Variants in PIK3R3 observed in about 807,000 individuals in gnomAD.
The protein encoded by PIK3R3 is phosphatidylinositol 3-kinase regulatory subunit gamma.
PIK3R3 carries 64 observed loss-of-function variants against 62.9 expected under a neutral mutation model. The observed-to-expected ratio is 1.02, with a 90% CI of 0.83 to 1.25. The LOEUF (loss-of-function observed/expected upper bound fraction) is 1.25. Ranked by LOEUF, PIK3R3 falls within the 50% of genes most tolerant of loss-of-function variation. The probability of loss-of-function intolerance (pLI) is 0.00; values close to 1 mark genes in which losing one functional copy is unlikely to be tolerated. For missense variants in PIK3R3, 614 were observed against 561.6 expected (o/e 1.09, Z -0.94); for synonymous variants, 165 against 189.0 (o/e 0.87, Z 1.04).
At chr1:46,071,847 C>A (rs910485947) in intron 3 of PIK3R3, among the ~76,000 whole-genome samples, 1 of 150,958 alleles carries the variant, frequency 6.6e-6, no homozygotes, top group Non-Finnish European at 1.5e-5. Context: ...AATACAAACT[C>A]CCAAGTTTTG....
intron 5 of PIK3R3, among the ~76,000 whole-genome samples, chr1:46,062,576 A>AAAAAAAC (rs1553146558): frequency 6.6e-5 from 10 of 151,086 alleles, no homozygotes; most frequent in Non-Finnish European, 1.0e-4. Context: ...CTTTGTCTCA[A>AAAAAAAC]AAAAACAAAA....
intron 1 of PIK3R3, among the ~76,000 whole-genome samples, chr1:46,114,540 C>A (rs1048903593): frequency 6.6e-6 from 1 of 152,138 alleles, no homozygotes; most frequent in African/African-American, 2.4e-5. Flanking sequence ...AATATAACTT[C>A]TTGGAACCAA....
At chr1:46,091,483 TAC>T (rs111759714) in intron 1 of PIK3R3, among the ~76,000 whole-genome samples, 4 of 149,600 alleles carry the variant, frequency 2.7e-5, no homozygotes, top group African/African-American at 4.9e-5. Context: ...CACACACACA[TAC>T]ACACACACAC....
chr1:46,148,743 G>GGAGAGAGA, the PIK3R3 span, among the ~76,000 whole-genome samples: 14 of 143,364 alleles, frequency 9.8e-5, no homozygotes, highest in South Asian at 2.3e-4. Flanking sequence ...CCAAGATTTT[G>GGAGAGAGA]GAGAGAGAGA....
intron 3 of PIK3R3, among the ~76,000 whole-genome samples, chr1:46,071,730 T>TATATATATATATATAGAGAGAGAGAG (rs1163343399): frequency 1.7e-5 from 1 of 59,046 alleles, no homozygotes; most frequent in African/African-American, 7.9e-5. Context: ...TATATATATA[T>TATATATATATATATAGAGAGAGAGAG]AGAGAGAGAG....
chr1:46,133,213 G>GA (rs953323880), upstream of PIK3R3, among the ~76,000 whole-genome samples: 3 of 151,908 alleles, frequency 2.0e-5, no homozygotes, highest in East Asian at 5.8e-4. Flanking sequence ...AAAAGAGGAG[G>GA]AAAAAAAAGA....
At chr1:46,103,446 T>G (rs1475814968) in intron 1 of PIK3R3, among the ~76,000 whole-genome samples, 1 of 151,878 alleles carries the variant, frequency 6.6e-6, no homozygotes, top group East Asian at 2.0e-4. Flanking sequence ...GGCAGGTGCC[T>G]GTAATCCCAG....
chr1:46,165,972 AC>A, the PIK3R3 span, among the ~76,000 whole-genome samples: 14 of 148,672 alleles, frequency 9.4e-5, no homozygotes, highest in South Asian at 2.1e-4. Flanking sequence ...ACGGGGTTTC[AC>A]CTGTGTTAGC....
chr1:46,166,742 G>A, the PIK3R3 span, among the ~76,000 whole-genome samples: 2 of 152,288 alleles, frequency 1.3e-5, no homozygotes, highest in Admixed American at 1.3e-4. Context: ...GGTCGAATTC[G>A]CTAGTCGTGT....
chr1:46,157,823 T>C, the PIK3R3 span, among the ~76,000 whole-genome samples: 1 of 152,230 alleles, frequency 6.6e-6, no homozygotes, highest in Non-Finnish European at 1.5e-5. Flanking sequence ...GGCAGACACA[T>C]GTTATTCCCT....
the PIK3R3 span, among the ~76,000 whole-genome samples, chr1:46,147,762 TCA>T: frequency 6.6e-6 from 1 of 152,130 alleles, no homozygotes; most frequent in African/African-American, 2.4e-5. Flanking sequence ...CACCTCACTA[TCA>T]GACAGATTTG....
rs1647005515 is a variant in PIK3R3, at chr1:46,041,975, C to G, written c.*1698G>C. ...CAGGTAAACTAATATTTTTCTTTCA[C>G]CCCCAGAACTAGAGCTTTCCTAGCT... On this transcript the variant is annotated 3_prime_UTR_variant, in exon 10 of 10. Coordinates refer to ENST00000262741, the MANE Select transcript of PIK3R3 (RefSeq NM_003629.4). The G allele has an allele frequency of 4.5e-6, 1 of 220,214 alleles. No individual in the cohort carries two copies. The highest frequency in any genetic ancestry group is 1.8e-4 in the South Asian group (1 of 5,424). The allele number at this position is 220,214 out of a possible 1,614,324, so 13.6% of individuals were successfully genotyped here. A position where few individuals can be genotyped will look rare whatever the true frequency, so the allele number is the denominator to read the frequency against.
intron 7 of PIK3R3, among the ~76,000 whole-genome samples, chr1:46,052,762 A>T (rs369390743): frequency 1.3e-5 from 2 of 152,162 alleles, no homozygotes; most frequent in African/African-American, 4.8e-5. Context: ...CTGTATTTAA[A>T]CACTCAAGAA....
chr1:46,128,032 A>G (rs1277970270), intron 1 of PIK3R3, among the ~76,000 whole-genome samples: 2 of 152,180 alleles, frequency 1.3e-5, no homozygotes, highest in Non-Finnish European at 2.9e-5. Context: ...ATGCACAACA[A>G]TGTTAGTTAT....
In PIK3R3 at chr1:46,071,712, A is replaced by ATATATATATATAT. The variant is rs1553148026; in HGVS notation, c.315-4622_315-4621insATATATATATATA. On this transcript the variant is annotated intron_variant, in intron 3 of 9. Coordinates refer to ENST00000262741, the MANE Select transcript of PIK3R3 (RefSeq NM_003629.4). ...CTCTGTCTCCAAAAAAAAAAAAAAA[A>ATATATATATATAT]ATATATATATATATATATAGAGAGA... is the stretch of plus-strand genomic sequence containing the variant. 1.2e-4 allele frequency among the ~76,000 whole-genome samples: 3 copies of ATATATATATATAT among 24,650 alleles called. 1 individual carries two copies. The highest frequency in any genetic ancestry group is 6.2e-4 in the Admixed American group (1 of 1,620). 16.2% of individuals were successfully genotyped at this position (24,650 alleles called of 152,430 possible). A position where few individuals can be genotyped will look rare whatever the true frequency, so the allele number is the denominator to read the frequency against.
intron 1 of PIK3R3, among the ~76,000 whole-genome samples, chr1:46,100,481 C>T (rs1652555942): frequency 1.3e-5 from 2 of 151,946 alleles, no homozygotes; most frequent in Admixed American, 6.6e-5. Context: ...TTTATTCTTC[C>T]CAGAGGTTGG....
the PIK3R3 span, among the ~76,000 whole-genome samples, chr1:46,167,319 CAG>C: frequency 6.6e-6 from 1 of 152,216 alleles, no homozygotes; most frequent in African/African-American, 2.4e-5. Flanking sequence ...CTTCCTGGTC[CAG>C]AGACGAGGGT....
At chr1:46,132,958 G>C (rs369377240), upstream of PIK3R3, 20 of 1,121,022 alleles carry the variant, frequency 1.8e-5, no homozygotes, top group Admixed American at 4.6e-5. Flanking sequence ...AGTCAGTGCC[G>C]GGAGCACGCG....
At chr1:46,055,716 C>T (rs1647822959) in intron 7 of PIK3R3, 79 bp downstream of exon 7, 18 of 918,694 alleles carry the variant, frequency 2.0e-5, no homozygotes, top group Non-Finnish European at 2.8e-5. Flanking sequence ...CTAATCTCTT[C>T]TTCCACCTCT....
Sources: allele counts gnomAD v4.1 joint callset (sites outside exome capture counted in the v4.1 genomes callset), GRCh38; gene constraint gnomAD v4.1.1; transcripts MANE v1.5; gene names NCBI Gene and HGNC (gene_info 2026-07-23, HGNC 2026-07-21).